CSMD2: variants seen among roughly 807,000 people sequenced by gnomAD.
The protein encoded by CSMD2 is CUB and sushi domain-containing protein 2.
In CSMD2, 130 loss-of-function variants were observed where a neutral mutation model predicts 398.5. That is an observed-to-expected ratio of 0.33 (90% confidence interval 0.28 to 0.38). The LOEUF (loss-of-function observed/expected upper bound fraction) is 0.38, where lower values mean the gene tolerates loss of function less well. CSMD2 is among the 10% of genes least tolerant of loss of function. The pLI is 1.00. For missense variants in CSMD2, 3,829 were observed against 4,764.9 expected (o/e 0.80, Z 5.78); for synonymous variants, 1,828 against 1,908.5 (o/e 0.96, Z 1.10).
intron 12 of CSMD2, among the ~76,000 whole-genome samples, chr1:33,788,224 G>A (rs1333432690): frequency 1.3e-5 from 2 of 152,000 alleles, no homozygotes; most frequent in Non-Finnish European, 2.9e-5. Flanking sequence ...CCAGGATCCC[G>A]TGGCCGGGCA....
At chr1:33,740,812 AAC>A (rs1377389397) in intron 14 of CSMD2, among the ~76,000 whole-genome samples, 1 of 152,226 alleles carries the variant, frequency 6.6e-6, no homozygotes, top group East Asian at 1.9e-4. Context: ...CCCACATATG[AAC>A]ACACACATAC....
At chr1:34,062,797 A>C (rs1167869544) in intron 2 of CSMD2, among the ~76,000 whole-genome samples, 1 of 152,230 alleles carries the variant, frequency 6.6e-6, no homozygotes, top group South Asian at 2.1e-4. Context: ...AAGCAAAGCA[A>C]CAGAACTGGC....
intron 3 of CSMD2, among the ~76,000 whole-genome samples, chr1:33,992,941 T>C (rs1015327392): frequency 1.3e-5 from 2 of 149,680 alleles, no homozygotes; most frequent in Admixed American, 6.6e-5. Context: ...CCAGGAAGAA[T>C]GAATATGAAT....
At chr1:34,141,798 G>A (rs1348808570) in intron 1 of CSMD2, among the ~76,000 whole-genome samples, 6 of 152,330 alleles carry the variant, frequency 3.9e-5, no homozygotes, top group African/African-American at 1.2e-4. Context: ...AAATAGGCGA[G>A]AATGCAAGGA....
chr1:33,976,320 A>C (rs1279891464), intron 3 of CSMD2, among the ~76,000 whole-genome samples: 2 of 152,204 alleles, frequency 1.3e-5, no homozygotes, highest in African/African-American at 4.8e-5. Flanking sequence ...TGATGGATCC[A>C]AAAGGGGGTG....
intron 9 of CSMD2, among the ~76,000 whole-genome samples, chr1:33,811,873 T>G (rs189108324): frequency 3.3e-5 from 5 of 152,360 alleles, no homozygotes; most frequent in African/African-American, 1.2e-4. Flanking sequence ...TTATCCTAAT[T>G]GTAGGCAAAG....
At chr1:33,598,673 T>G (rs1347500037) in intron 44 of CSMD2, 2 of 146,332 alleles carry the variant, frequency 1.4e-5, no homozygotes, top group Non-Finnish European at 3.0e-5. Context: ...GTGTTTTTTT[T>G]TTTTTTTTTT....
chr1:33,717,685 A>G (rs572887568), intron 19 of CSMD2, among the ~76,000 whole-genome samples: 3 of 151,760 alleles, frequency 2.0e-5, no homozygotes, highest in African/African-American at 7.3e-5. Flanking sequence ...CAAATAGTTG[A>G]TATCTGAAGC....
In CSMD2 at chr1:33,753,882, G is replaced by C. The variant is rs560099038; in HGVS notation, c.1847-10276C>G. 5.3e-5 allele frequency among the ~76,000 whole-genome samples: 8 copies of C among 152,258 alleles called. No individual in the cohort carries two copies. In the East Asian group the frequency reaches 1.5e-3, roughly 29 times the overall value. ...GTGGGGCCTGTTACCCCTTTCTTTT[G>C]GCCAGTTTCTCCCTTTTGGAATGAG... On this transcript the variant is annotated intron_variant, in intron 13 of 70. Transcript: ENST00000373381.
chr1:33,581,380 A>AG (rs1638695995), intron 47 of CSMD2, among the ~76,000 whole-genome samples: 2 of 148,342 alleles, frequency 1.3e-5, no homozygotes, highest in Non-Finnish European at 3.0e-5. Context: ...AAAAAAAAAA[A>AG]ATACAAAAAT....
intron 44 of CSMD2, chr1:33,600,061 T>G: frequency 1.5e-6 from 1 of 656,806 alleles, no homozygotes; most frequent in South Asian, 1.7e-5. Flanking sequence ...TTAGAATATT[T>G]GCCTTACTAC....
At chr1:33,977,839 G>A (rs953174009) in intron 3 of CSMD2, among the ~76,000 whole-genome samples, 1 of 152,052 alleles carries the variant, frequency 6.6e-6, no homozygotes, top group Non-Finnish European at 1.5e-5. Context: ...TTTTGGTCAG[G>A]ACATAAAAGG....
At chr1:34,152,128 G>C (rs1239665220) in intron 1 of CSMD2, among the ~76,000 whole-genome samples, 1 of 152,162 alleles carries the variant, frequency 6.6e-6, no homozygotes, top group African/African-American at 2.4e-5. Context: ...TGGGATGAGA[G>C]GCACAAGCCA....
chr1:33,546,595 T>C (rs992234181), intron 56 of CSMD2, among the ~76,000 whole-genome samples: 1 of 152,182 alleles, frequency 6.6e-6, no homozygotes, highest in Non-Finnish European at 1.5e-5. Context: ...GCCACTGTCT[T>C]AGCTTAGACA....
chr1:33,529,790 A>G (rs779535523), intron 64 of CSMD2, among the ~76,000 whole-genome samples: 1 of 152,246 alleles, frequency 6.6e-6, no homozygotes, highest in Non-Finnish European at 1.5e-5. Flanking sequence ...AGATTTTATC[A>G]AAATTAAAGA....
intron 5 of CSMD2, among the ~76,000 whole-genome samples, chr1:33,911,724 C>A (rs1341422554): frequency 6.6e-6 from 1 of 152,232 alleles, no homozygotes; most frequent in African/African-American, 2.4e-5. Flanking sequence ...CAGCCAAAGT[C>A]TACCCAGTGG....
At chr1:33,725,314 T>C (rs199872781) in intron 17 of CSMD2, 35 bp downstream of exon 17, 122 of 1,592,806 alleles carry the variant, frequency 7.7e-5, no homozygotes, top group Admixed American at 1.2e-4. Context: ...TGGGCTGACC[T>C]TGTCATCCCT....
Position 33,700,506 on chromosome 1 carries a change from G to A in CSMD2, c.3733+11C>T, listed in dbSNP as rs373337230. The A allele has an allele frequency of 1.6e-5, 26 of 1,613,874 alleles. No homozygotes were observed. Among genetic ancestry groups the A allele is most frequent in the Non-Finnish European group, 2.0e-5 (24 of 1,179,930 alleles). On this transcript the variant is annotated intron_variant, in intron 23 of 70. Coordinates refer to ENST00000373381, the MANE Select transcript of CSMD2 (RefSeq NM_001281956.2). Reference sequence around the variant, plus strand: ...GACTTCCTTGTCCACACAGATGCAAGAAAGACTTACTGGAAAAGTGCAGTT... The same window carrying A: ...GACTTCCTTGTCCACACAGATGCAAAAAAGACTTACTGGAAAAGTGCAGTT...
In CSMD2 at chr1:33,742,176, T is replaced by C. The variant is rs114463432; in HGVS notation, c.2173+1104A>G. ...AGGAGACATGCCCTGAGAAGGTTGA[T>C]TGTGTCCTAAACAAGAGTGGTGAGG... is the stretch of plus-strand genomic sequence containing the variant. On this transcript the variant is annotated intron_variant, in intron 14 of 70. Transcript: ENST00000373381. Among the ~76,000 whole-genome samples, 1,076 of 152,290 alleles carry C rather than the reference T, an allele frequency of 7.1e-3. 23 individuals carry two copies. Among genetic ancestry groups the C allele is most frequent in the African/African-American group, 0.023 (965 of 41,558 alleles).
Sources: gnomAD v4.1 joint callset for allele counts (sites outside exome capture counted in the v4.1 genomes callset) on GRCh38, gnomAD v4.1.1 for gene constraint, MANE v1.5 for transcripts, NCBI Gene and HGNC (gene_info 2026-07-23, HGNC 2026-07-21) for gene names.